TEX26: variants seen among roughly 807,000 people sequenced by gnomAD.
The protein encoded by TEX26 is testis-expressed protein 26.
A neutral mutation model predicts 35.3 loss-of-function variants in TEX26; 34 were observed. The ratio of observed to expected loss-of-function variants is 0.96; its 90% CI spans 0.73 to 1.28. TEX26 has a LOEUF of 1.28. Among genes scored for constraint, TEX26 ranks in the 50% most tolerant of loss-of-function variants. TEX26 has a pLI of 0.00. For synonymous variants in TEX26, 136 were observed against 111.8 expected, an observed-to-expected ratio of 1.22 and a Z score of -1.36; for missense variants, 371 against 330.1, an observed-to-expected ratio of 1.12 and a Z score of -0.96.
At chr13:30,962,105 C>T (rs1477275446) in intron 4 of TEX26, among the ~76,000 whole-genome samples, 2 of 152,190 alleles carry the variant, frequency 1.3e-5, no homozygotes, top group Non-Finnish European at 2.9e-5. Context: ...GTTTCACCAC[C>T]TGGCAGCTAG....
chr13:30,951,386 G>A (rs931556126), intron 2 of TEX26, among the ~76,000 whole-genome samples: 1 of 150,750 alleles, frequency 6.6e-6, no homozygotes, highest in East Asian at 1.9e-4. Flanking sequence ...TTTGTGCTGT[G>A]TCCCGTCCCT....
chr13:30,953,391 T>C (rs1935499812), intron 3 of TEX26, among the ~76,000 whole-genome samples: 1 of 152,234 alleles, frequency 6.6e-6, no homozygotes, highest in South Asian at 2.1e-4. Context: ...TTATGAAGAC[T>C]ACCCATGTAG....
At chr13:30,965,545 C>T (rs1296582272) in intron 4 of TEX26, among the ~76,000 whole-genome samples, 1 of 152,160 alleles carries the variant, frequency 6.6e-6, no homozygotes, top group South Asian at 2.1e-4. Flanking sequence ...GGAATGAACT[C>T]ATTCTAAGTG....
At chr13:30,955,132 C>A (rs1416593954) in intron 3 of TEX26, among the ~76,000 whole-genome samples, 1 of 152,054 alleles carries the variant, frequency 6.6e-6, no homozygotes, top group Non-Finnish European at 1.5e-5. Flanking sequence ...TTGCTTTGGG[C>A]CACACATAAA....
chr13:30,935,426 C>G (rs111725315), intron 1 of TEX26, among the ~76,000 whole-genome samples: 1 of 152,348 alleles, frequency 6.6e-6, no homozygotes, highest in East Asian at 1.9e-4. Context: ...CACTTCCTTC[C>G]CTCTGAAGTC....
intron 1 of TEX26, among the ~76,000 whole-genome samples, chr13:30,934,282 T>A (rs1276765081): frequency 1.3e-5 from 2 of 152,328 alleles, no homozygotes; most frequent in Middle Eastern, 3.4e-3. Flanking sequence ...TCTGTGCCAC[T>A]TCATTCCCCA....
intron 1 of TEX26, chr13:30,936,885 G>A (rs542302118): frequency 1.0e-6 from 1 of 985,394 alleles, no homozygotes; most frequent in Non-Finnish European, 1.2e-6. Flanking sequence ...AGAATATTGT[G>A]ATTACAGATT....
intron 2 of TEX26, among the ~76,000 whole-genome samples, chr13:30,948,497 T>C (rs1380172718): frequency 3.3e-5 from 5 of 151,926 alleles, no homozygotes; most frequent in Admixed American, 6.5e-5. Context: ...CCAGTGATGG[T>C]GAGCATTTTT....
At chr13:30,945,361 G>C (rs1016337775) in intron 2 of TEX26, among the ~76,000 whole-genome samples, 24 of 151,642 alleles carry the variant, frequency 1.6e-4, no homozygotes, top group African/African-American at 5.3e-4. Flanking sequence ...TCAGTCTCTT[G>C]AAGACAGCAG....
At chr13:30,946,521 T>A (rs1953717543) in intron 2 of TEX26, among the ~76,000 whole-genome samples, 1 of 152,070 alleles carries the variant, frequency 6.6e-6, no homozygotes, top group Non-Finnish European at 1.5e-5. Flanking sequence ...AACCTTGTTT[T>A]GTCATATTGC....
At chr13:30,956,320 C>T (rs1324395264) in intron 3 of TEX26, among the ~76,000 whole-genome samples, 1 of 151,828 alleles carries the variant, frequency 6.6e-6, no homozygotes, top group Admixed American at 6.6e-5. Flanking sequence ...CCAGCTTCAT[C>T]CATGTCCCTA....
rs766784209 is a variant in TEX26 at position 30,969,085 on chromosome 13, A to G, written c.808+39A>G. Reference sequence around the variant, plus strand: ...TTATTTCACACACTTACAGATCACAATACATTGCTTTTGCCAAATAGAAAC... The same window carrying G: ...TTATTTCACACACTTACAGATCACAGTACATTGCTTTTGCCAAATAGAAAC... On this transcript the variant is annotated intron_variant, in intron 6 of 6. Transcript: ENST00000380473. 12 of 1,544,408 alleles carry G rather than the reference A, an allele frequency of 7.8e-6. No individual in the cohort carries two copies. In the African/African-American group the frequency reaches 1.2e-4, roughly 16 times the overall value.
intron 2 of TEX26, among the ~76,000 whole-genome samples, chr13:30,946,827 T>C (rs747713797): frequency 5.9e-5 from 9 of 152,070 alleles, no homozygotes; most frequent in Non-Finnish European, 1.3e-4. Flanking sequence ...CATTTTAAAA[T>C]AAAACTTTTC....
At chr13:30,972,551 G>C (rs1954748814) in intron 6 of TEX26, among the ~76,000 whole-genome samples, 1 of 152,208 alleles carries the variant, frequency 6.6e-6, no homozygotes, top group East Asian at 1.9e-4. Context: ...ATATCAATGA[G>C]AGGAAGCAGT....
intron 3 of TEX26, among the ~76,000 whole-genome samples, chr13:30,954,683 C>T (rs765959468): frequency 2.6e-5 from 4 of 152,068 alleles, no homozygotes; most frequent in African/African-American, 4.8e-5. Context: ...GTCTCAAACT[C>T]CTGGGTTCAA....
At chr13:30,956,509 G>A (rs1441600376) in intron 3 of TEX26, among the ~76,000 whole-genome samples, 1 of 152,164 alleles carries the variant, frequency 6.6e-6, no homozygotes, top group Non-Finnish European at 1.5e-5. Flanking sequence ...GTTTTCCTCA[G>A]GGGCTCCCAA....
At chr13:30,964,390 G>A (rs1428465371) in intron 4 of TEX26, among the ~76,000 whole-genome samples, 2 of 152,138 alleles carry the variant, frequency 1.3e-5, no homozygotes, top group Non-Finnish European at 2.9e-5. Context: ...TTCCCTACCT[G>A]TTTGTTCTGT....
At chr13:30,965,947 C>T (rs1267811819) in intron 4 of TEX26, among the ~76,000 whole-genome samples, 3 of 152,210 alleles carry the variant, frequency 2.0e-5, no homozygotes. Context: ...ATCTCTCTGA[C>T]ACCCACCTCT....
intron 3 of TEX26, among the ~76,000 whole-genome samples, chr13:30,954,976 A>G (rs541193694): frequency 9.9e-5 from 15 of 152,178 alleles, no homozygotes; most frequent in Non-Finnish European, 2.2e-4. Flanking sequence ...GGCAGCTCCT[A>G]TTATTCTAGG....
Sources: gnomAD v4.1 joint callset for allele counts (sites outside exome capture counted in the v4.1 genomes callset) on GRCh38, gnomAD v4.1.1 for gene constraint, MANE v1.5 for transcripts, NCBI Gene and HGNC (gene_info 2026-07-23, HGNC 2026-07-21) for gene names.